The following IGSF10 variants were observed in gnomAD, a reference collection of about 807,000 sequenced individuals.
IGSF10 encodes the protein immunoglobulin superfamily member 10, also known as calvaria mechanical force protein 608.
Under a neutral mutation model 128.2 loss-of-function variants are expected in IGSF10, and 126 were observed. The observed-to-expected ratio is 0.98, with a 90% CI of 0.85 to 1.14. The LOEUF (loss-of-function observed/expected upper bound fraction) is 1.14, where lower values mean the gene tolerates loss of function less well. Ranked by LOEUF, IGSF10 falls within the 50% of genes most tolerant of loss-of-function variation. The probability of loss-of-function intolerance (pLI) is 0.00; values close to 1 mark genes in which losing one functional copy is unlikely to be tolerated. For synonymous variants in IGSF10, 1,185 were observed against 1,146.2 expected (o/e 1.03, Z -0.68); for missense variants, 3,295 against 3,149.8 (o/e 1.05, Z -1.10).
chr3:151,618,177 T>G, the IGSF10 span, among the ~76,000 whole-genome samples: 1 of 152,058 alleles, frequency 6.6e-6, no homozygotes, highest in Non-Finnish European at 1.5e-5. Flanking sequence ...TCTCTCTCAC[T>G]GTGGGAGGAT....
At chr3:151,590,589 CCATGGTTG>C in the IGSF10 span, among the ~76,000 whole-genome samples, 1 of 152,048 alleles carries the variant, frequency 6.6e-6, no homozygotes, top group Non-Finnish European at 1.5e-5. Context: ...GATAAATTTA[CCATGGTTG>C]CACAGGAAAA....
chr3:151,449,547 A>T (rs1370440994), intron 5 of IGSF10, among the ~76,000 whole-genome samples: 2 of 152,216 alleles, frequency 1.3e-5, no homozygotes, highest in Non-Finnish European at 2.9e-5. Context: ...TACCCAGTAA[A>T]TATTAGTTGA....
At chr3:151,597,688 G>A in the IGSF10 span, among the ~76,000 whole-genome samples, 1 of 152,082 alleles carries the variant, frequency 6.6e-6, no homozygotes, top group Non-Finnish European at 1.5e-5. Flanking sequence ...AGGCTGAGGC[G>A]GGTGGATCAC....
the IGSF10 span, among the ~76,000 whole-genome samples, chr3:151,533,189 T>C: frequency 6.6e-6 from 1 of 152,230 alleles, no homozygotes; most frequent in African/African-American, 2.4e-5. Context: ...AAACATTCCA[T>C]GCTCATGGAT....
the IGSF10 span, among the ~76,000 whole-genome samples, chr3:151,559,566 CTTAA>C: frequency 6.6e-6 from 1 of 150,988 alleles, no homozygotes; most frequent in African/African-American, 2.5e-5. Context: ...AGGAAAATTT[CTTAA>C]TTTATTGCTG....
chr3:151,531,288 T>A, the IGSF10 span, among the ~76,000 whole-genome samples: 1 of 152,042 alleles, frequency 6.6e-6, no homozygotes, highest in East Asian at 1.9e-4. Context: ...AGACAGAAAG[T>A]TAACAAGGAT....
At chr3:151,522,371 C>T in the IGSF10 span, among the ~76,000 whole-genome samples, 2 of 152,116 alleles carry the variant, frequency 1.3e-5, no homozygotes, top group African/African-American at 4.8e-5. Flanking sequence ...GATACCAAAA[C>T]CTGGCAGAGA....
intron 5 of IGSF10, 65 bp from the exon 6 acceptor site, chr3:151,449,330 A>G: frequency 7.1e-7 from 1 of 1,405,728 alleles, no homozygotes; most frequent in Non-Finnish European, 9.5e-7. Context: ...AAACATTTTG[A>G]AGAAATAGCT....
the IGSF10 span, among the ~76,000 whole-genome samples, chr3:151,598,621 A>C: frequency 6.6e-6 from 1 of 152,246 alleles, no homozygotes; most frequent in Non-Finnish European, 1.5e-5. Context: ...ATACAAGGTA[A>C]ATGCTATGTA....
the IGSF10 span, among the ~76,000 whole-genome samples, chr3:151,535,824 T>C: frequency 2.0e-5 from 3 of 152,176 alleles, no homozygotes; most frequent in African/African-American, 2.4e-5. Context: ...ATAAAGAGAA[T>C]AGAAAAATAA....
In IGSF10 at chr3:151,437,353, C is replaced by T. The variant is rs753363334; in HGVS notation, c.7208G>A (p.Arg2403Gln). 1.8e-5 allele frequency: 29 copies of T among 1,614,060 alleles called. No homozygotes were observed. The highest frequency in any genetic ancestry group is 6.7e-5 in the Admixed American group (4 of 59,994). The change falls in exon 8 of 8, where the codon CGG becomes CAG. Residue 2403 changes from arginine to glutamine, a missense_variant. Arg to Gln is a conservative substitution (Grantham distance 43). Coordinates refer to ENST00000282466, the MANE Select transcript of IGSF10 (RefSeq NM_178822.5). ...NGSFIISKTT[R>Q]EDAGKYRCAA... ...ACAGCGATATTTTCCTGCATCCTCC[C>T]GAGTTGTTTTAGAAATGATAAAAGA...
intron 7 of IGSF10, among the ~76,000 whole-genome samples, chr3:151,441,597 G>C (rs2108537529): frequency 6.6e-6 from 1 of 151,938 alleles, no homozygotes; most frequent in East Asian, 1.9e-4. Flanking sequence ...TTTTTGCATG[G>C]ATGTTTTCTA....
At chr3:151,435,704 T>G (rs1203216197), downstream of IGSF10, 1 of 152,124 alleles carries the variant, frequency 6.6e-6, no homozygotes, top group Non-Finnish European at 1.5e-5. Context: ...TTAGATAAGA[T>G]CAATCATTTA....
chr3:151,525,214 A>C, the IGSF10 span, among the ~76,000 whole-genome samples: 4 of 151,538 alleles, frequency 2.6e-5, no homozygotes, highest in African/African-American at 9.7e-5. Flanking sequence ...TTTAACACAA[A>C]ACTATTTAGA....
the IGSF10 span, among the ~76,000 whole-genome samples, chr3:151,474,843 G>A: frequency 7.9e-5 from 12 of 152,242 alleles, no homozygotes; most frequent in Non-Finnish European, 1.2e-4. Context: ...TTGTGCAGGG[G>A]AACTCCTCTT....
the IGSF10 span, among the ~76,000 whole-genome samples, chr3:151,596,493 T>C: frequency 6.6e-6 from 1 of 152,170 alleles, no homozygotes; most frequent in African/African-American, 2.4e-5. Context: ...TGTGTGTGTG[T>C]GTGTATTGTG....
chr3:151,520,442 AT>A, the IGSF10 span, among the ~76,000 whole-genome samples: 3 of 151,820 alleles, frequency 2.0e-5, no homozygotes, highest in East Asian at 5.8e-4. Flanking sequence ...CTTATGAAAA[AT>A]GTCACTGGTA....
At chr3:151,522,486 T>C in the IGSF10 span, among the ~76,000 whole-genome samples, 1 of 152,150 alleles carries the variant, frequency 6.6e-6, no homozygotes, top group Non-Finnish European at 1.5e-5. Context: ...AGAAAGCTAA[T>C]CCACTACAAT....
chr3:151,562,372 G>A, the IGSF10 span, among the ~76,000 whole-genome samples: 16,122 of 152,148 alleles, frequency 0.11, 1,156 homozygotes, highest in Non-Finnish European at 0.16. Context: ...AGCAGCCCTC[G>A]GAGCTGCTCT....
Sources: allele counts gnomAD v4.1 joint callset (sites outside exome capture counted in the v4.1 genomes callset), GRCh38; gene constraint gnomAD v4.1.1; transcripts MANE v1.5; gene names NCBI Gene and HGNC (gene_info 2026-07-23, HGNC 2026-07-21).